NRXN2: variants seen among roughly 807,000 people sequenced by gnomAD.
The protein encoded by NRXN2 is neurexin 2.
A neutral mutation model predicts 128.8 loss-of-function variants in NRXN2; 29 were observed. The observed-to-expected ratio is 0.23, with a 90% CI of 0.17 to 0.31. NRXN2 has a LOEUF of 0.31. NRXN2 is among the 10% of genes least tolerant of loss of function. The pLI is 1.00. For synonymous variants in NRXN2, 1,098 were observed against 1,075.2 expected (o/e 1.02, Z -0.41); for missense variants, 1,881 against 2,452.6 (o/e 0.77, Z 4.92).
rs2135580507 is a variant in NRXN2 at position 64,690,386 on chromosome 11, G to A, written c.850+19C>T. The A allele has an allele frequency of 6.2e-7, 1 of 1,608,428 alleles. No homozygotes were observed. Among genetic ancestry groups the A allele is most frequent in the East Asian group, 2.2e-5 (1 of 44,746 alleles). Reference sequence around the variant, plus strand: ...CAGGATGAGGGCTGGGCTCTCTGGGGACCATGGGGGTCACTGACCTTTTGT... The same window carrying A: ...CAGGATGAGGGCTGGGCTCTCTGGGAACCATGGGGGTCACTGACCTTTTGT... On this transcript the variant is annotated intron_variant, in intron 5 of 22. Transcript: ENST00000265459.
chr11:64,660,408 G>A lies in NRXN2; in HGVS notation c.2313C>T (p.Ala771=). Residue 771 remains alanine (A), a synonymous_variant, in exon 11 of 23, where the codon GCC becomes GCT. Coordinates refer to ENST00000265459, the MANE Select transcript of NRXN2 (RefSeq NM_015080.4). This position sits in a 1 kb window ranked among gnomAD's most constrained non-coding sequence, Gnocchi z 5.2. ...MSQRAYGLMM[A]TTSRESADTL... is the part of the protein sequence containing the mutation. ...TGTCGGCAGACTCCCTGGAAGTGGT[G>A]GCCATCATGAGTCCGTAGGCCCGCT... The A allele has an allele frequency of 6.2e-7, 1 of 1,614,212 alleles. No homozygotes were observed. The highest frequency in any genetic ancestry group is 8.5e-7 in the Non-Finnish European group (1 of 1,180,034).
chr11:64,606,550 C>T lies in NRXN2; in HGVS notation c.*646G>A, dbSNP rs1477811681. On this transcript the variant is annotated 3_prime_UTR_variant, in exon 23 of 23. Transcript: ENST00000265459. ...AGGCCTGAGCCCCTTCCCTGGGCGGCACCAAGCAGGTGCCTCTCCTGGTGA... is the reference window on the plus strand; with the variant it reads ...AGGCCTGAGCCCCTTCCCTGGGCGGTACCAAGCAGGTGCCTCTCCTGGTGA... 6.6e-6 allele frequency: 1 copy of T among 151,884 alleles called. No homozygotes were observed. Among genetic ancestry groups the T allele is most frequent in the African/African-American group, 2.4e-5 (1 of 41,180 alleles). The allele number at this position is 151,884 out of a possible 1,614,324, so 9.4% of individuals were successfully genotyped here.
At position 64,608,098 on chromosome 11, in the gene NRXN2, G is replaced by A. The variant is rs747481135; in HGVS notation, c.4253-16C>T. On this transcript the variant is annotated splice_polypyrimidine_tract_variant and intron_variant, in intron 22 of 22. Transcript: ENST00000265459. The stretch of plus-strand genomic sequence containing the variant: ...AACTCTCCTCCTAGAACAAGAGAGA[G>A]AAGAGAAAAGAGAGGGCGTCAGCGA... 3 of 1,577,608 alleles carry A rather than the reference G, an allele frequency of 1.9e-6. No individual in the cohort carries two copies. Among genetic ancestry groups the A allele is most frequent in the African/African-American group, 2.7e-5 (2 of 74,534 alleles).
chr11:64,618,626 C>T (rs2041880336), intron 22 of NRXN2, among the ~76,000 whole-genome samples: 1 of 152,168 alleles, frequency 6.6e-6, no homozygotes, highest in African/African-American at 2.4e-5. Context: ...GTGTTGAAGT[C>T]ACCAGATGCC....
intron 3 of NRXN2, among the ~76,000 whole-genome samples, chr11:64,693,344 GA>G (rs560071868): frequency 6.9e-6 from 1 of 144,798 alleles, no homozygotes; most frequent in Non-Finnish European, 1.5e-5. Context: ...GAGGCGGAGA[GA>G]AAAAAAAACA....
intron 2 of NRXN2, among the ~76,000 whole-genome samples, chr11:64,704,686 C>T (rs890049653): frequency 1.4e-5 from 2 of 140,770 alleles, no homozygotes; most frequent in African/African-American, 5.2e-5. Flanking sequence ...CAGTTGCTAC[C>T]TGACAGCTCC....
rs1428603931 is a variant in NRXN2, at chr11:64,713,036, G to A, written c.664C>T (p.Leu222=). 5.5e-6 allele frequency: 8 copies of A among 1,450,756 alleles called. No homozygotes were observed. The highest frequency in any genetic ancestry group is 7.2e-6 in the Non-Finnish European group (8 of 1,106,380). 89.9% of individuals were successfully genotyped at this position (1,450,756 alleles called of 1,614,324 possible). Residue 222 remains leucine, a synonymous_variant, in exon 2 of 23, where the codon CTG becomes TTG. Coordinates refer to ENST00000265459, the MANE Select transcript of NRXN2 (RefSeq NM_015080.4). ...PCANGGLCTV[L]APGEVGCDCS... is the part of the protein sequence containing the mutation. ...TCGCAGCCCACCTCGCCGGGGGCCA[G>A]CACGGTGCAGAGGCCGCCGTTGGCG...
In NRXN2 at chr11:64,714,599, T is replaced by C. The variant is rs889792755; in HGVS notation, c.-244-656A>G. On this transcript the variant is annotated intron_variant, in intron 1 of 22. Coordinates refer to ENST00000265459, the MANE Select transcript of NRXN2 (RefSeq NM_015080.4). This position sits in a 1 kb window ranked among gnomAD's most constrained non-coding sequence, Gnocchi z 4.5. The stretch of plus-strand genomic sequence containing the variant: ...GTTCCCCCGAAACCACGCTCACCCC[T>C]TCCCAGGCCCCAGCCTCACTGCTTA... Among the ~76,000 whole-genome samples the C allele has an allele frequency of 4.6e-5, 7 of 152,020 alleles. No individual in the cohort carries two copies. The highest frequency in any genetic ancestry group is 1.7e-4 in the African/African-American group (7 of 41,386).
chr11:64,623,131 C>A lies in NRXN2; in HGVS notation c.3848-53G>T. 2 of 1,550,462 alleles carry A rather than the reference C, an allele frequency of 1.3e-6. No homozygotes were observed. Among genetic ancestry groups the A allele is most frequent in the Middle Eastern group, 1.7e-4 (1 of 5,896 alleles). On this transcript the variant is annotated intron_variant, in intron 20 of 22. Transcript: ENST00000265459. This position sits in a 1 kb window ranked among gnomAD's most constrained non-coding sequence, Gnocchi z 4.9. The stretch of plus-strand genomic sequence containing the variant: ...GAAGGGGCAGGCAGTGAGGGGAGAC[C>A]AGGAAGGGAAGGAAGAAAAGAAGGA...
rs939929810 is a variant in NRXN2 at position 64,648,470 on chromosome 11, G to A, written c.3284-132C>T. On this transcript the variant is annotated intron_variant, in intron 16 of 22. Transcript: ENST00000265459. This position sits in a 1 kb window ranked among gnomAD's most constrained non-coding sequence, Gnocchi z 4.1. ...TGCCTGGCTGAAAGGGCCAAGTACT[G>A]ATGACAGGGATTGGGGCAGGAGGGT... The A allele has an allele frequency of 4.2e-6, 6 of 1,426,800 alleles. No homozygotes were observed. Among genetic ancestry groups the A allele is most frequent in the African/African-American group, 1.4e-5 (1 of 71,024 alleles). 88.4% of individuals were successfully genotyped at this position (1,426,800 alleles called of 1,614,324 possible). A position where few individuals can be genotyped will look rare whatever the true frequency, so the allele number is the denominator to read the frequency against.
Position 64,635,857 on chromosome 11 carries a change from G to A in NRXN2, c.3404-405C>T, listed in dbSNP as rs1257517066. Among the ~76,000 whole-genome samples the A allele has an allele frequency of 2.0e-5, 3 of 152,040 alleles. No individual in the cohort carries two copies. The East Asian group carries it at 5.8e-4, about 29-fold the overall frequency. The stretch of plus-strand genomic sequence containing the variant: ...GCCTGGCAGAGGTGACAGATCCAAG[G>A]TGTGTGCTTCTTTGGGGCCAGAGCT... On this transcript the variant is annotated intron_variant, in intron 17 of 22. Coordinates refer to ENST00000265459, the MANE Select transcript of NRXN2 (RefSeq NM_015080.4). The surrounding 1 kb of genome is among the most constrained non-coding windows in gnomAD (Gnocchi z 4.8).
chr11:64,657,014 TG>T (rs1462124126), intron 11 of NRXN2, among the ~76,000 whole-genome samples: 1 of 152,232 alleles, frequency 6.6e-6, no homozygotes, highest in Non-Finnish European at 1.5e-5. Flanking sequence ...AGGCCCAGCC[TG>T]GGGCCTGTTT....
At chr11:64,612,258 C>T (rs569869554) in intron 22 of NRXN2, among the ~76,000 whole-genome samples, 43 of 152,222 alleles carry the variant, frequency 2.8e-4, no homozygotes, top group Non-Finnish European at 5.9e-4. Context: ...AACCGCTGCC[C>T]GTGCTGCTGG....
At chr11:64,699,326 T>C (rs1245072019) in intron 2 of NRXN2, among the ~76,000 whole-genome samples, 2 of 151,936 alleles carry the variant, frequency 1.3e-5, no homozygotes, top group Non-Finnish European at 2.9e-5. Context: ...ATACACAGTC[T>C]TTCCATGTCA....
At chr11:64,626,677 G>C in intron 19 of NRXN2, 125 bp from the exon 20 acceptor site, 1 of 790,904 alleles carries the variant, frequency 1.3e-6, no homozygotes, top group South Asian at 1.4e-5. Flanking sequence ...GAGGGGAAGG[G>C]AGGAAAAGAA....
rs2135244725 is a variant in NRXN2 at position 64,606,597 on chromosome 11, C to T, written c.*599G>A. The T allele has an allele frequency of 6.8e-6, 1 of 146,998 alleles. No homozygotes were observed. Among genetic ancestry groups the T allele is most frequent in the South Asian group, 2.2e-4 (1 of 4,528 alleles). The allele number at this position is 146,998 out of a possible 1,614,324, so 9.1% of individuals were successfully genotyped here. Reference sequence around the variant, plus strand: ...GTGAGGGGAGTTGGGGCACTTGCCCCACCCCACCCCACCCACCCACTGGGC... The same window carrying T: ...GTGAGGGGAGTTGGGGCACTTGCCCTACCCCACCCCACCCACCCACTGGGC... On this transcript the variant is annotated 3_prime_UTR_variant, in exon 23 of 23. Coordinates refer to ENST00000265459, the MANE Select transcript of NRXN2 (RefSeq NM_015080.4).
intron 17 of NRXN2, among the ~76,000 whole-genome samples, chr11:64,647,324 T>C (rs1218790417): frequency 2.0e-5 from 3 of 151,794 alleles, no homozygotes; most frequent in Non-Finnish European, 2.9e-5. Flanking sequence ...GGGAAGATGA[T>C]TCAAGCAATG....
Position 64,630,606 on chromosome 11 carries a change from A to T in NRXN2, c.3586-33T>A, listed in dbSNP as rs751451744. 2 of 1,612,908 alleles carry T rather than the reference A, an allele frequency of 1.2e-6. No homozygotes were observed. On this transcript the variant is annotated intron_variant, in intron 18 of 22. Coordinates refer to ENST00000265459, the MANE Select transcript of NRXN2 (RefSeq NM_015080.4). The surrounding 1 kb of genome is among the most constrained non-coding windows in gnomAD (Gnocchi z 4.6). ...CATGGAGGTGGAGGTCAGCGACCAGAGGGAGCAACCATTCATCCCTTCTAG... is the reference window on the plus strand; with the variant it reads ...CATGGAGGTGGAGGTCAGCGACCAGTGGGAGCAACCATTCATCCCTTCTAG...
intron 22 of NRXN2, 66 bp from the exon 23 acceptor site, chr11:64,608,148 CAGAG>C (rs1322924272): frequency 7.3e-6 from 9 of 1,237,844 alleles, no homozygotes; most frequent in Middle Eastern, 2.6e-4. Context: ...GCGGCCGGCA[CAGAG>C]AGAGAAACAA....
Sources: gnomAD v4.1 joint callset for allele counts (sites outside exome capture counted in the v4.1 genomes callset) on GRCh38, gnomAD v4.1.1 for gene constraint, Gnocchi (gnomAD v3.1) non-coding constraint, MANE v1.5 for transcripts, NCBI Gene and HGNC (gene_info 2026-07-23, HGNC 2026-07-21) for gene names.